The following MRTFA variants were observed in gnomAD, a reference collection of about 807,000 sequenced individuals.
MRTFA encodes the protein myocardin related transcription factor A, also known as myocardin-related transcription factor A.
MRTFA carries 20 observed loss-of-function variants against 83.5 expected under a neutral mutation model. The ratio of observed to expected loss-of-function variants is 0.24; its 90% CI spans 0.17 to 0.35. The LOEUF is 0.35. Ranked by LOEUF, MRTFA falls within the 10% of genes least tolerant of loss-of-function variation. MRTFA has a pLI of 1.00. For synonymous variants in MRTFA, 659 were observed against 541.2 expected (o/e 1.22, Z -3.02); for missense variants, 1,200 against 1,224.7 (o/e 0.98, Z 0.30).
At chr22:40,436,622 G>A (rs2053174914) in intron 4 of MRTFA, among the ~76,000 whole-genome samples, 1 of 152,188 alleles carries the variant, frequency 6.6e-6, no homozygotes, top group African/African-American at 2.4e-5. Flanking sequence ...TGAATGGAAG[G>A]TCTGACTCCT....
At chr22:40,544,233 G>GTGTTT (rs1473232329) in intron 3 of MRTFA, among the ~76,000 whole-genome samples, 4 of 152,088 alleles carry the variant, frequency 2.6e-5, no homozygotes, top group African/African-American at 9.7e-5. Context: ...AATTCTTTTT[G>GTGTTT]TGTTTTGTTT....
At chr22:40,433,497 A>C (rs931291864) in intron 5 of MRTFA, 1 of 153,130 alleles carries the variant, frequency 6.5e-6, no homozygotes, top group African/African-American at 2.4e-5. Flanking sequence ...AAAACAAAGC[A>C]ATCAGTTGTG....
At position 40,410,783 on chromosome 22, in the gene MRTFA, C is replaced by G. The variant is rs1334168421; in HGVS notation, c.*607G>C. 1.7e-5 allele frequency: 4 copies of G among 232,982 alleles called. No homozygotes were observed. The highest frequency in any genetic ancestry group is 1.7e-4 in the Admixed American group (3 of 17,778). The allele number at this position is 232,982 out of a possible 1,614,324, so 14.4% of individuals were successfully genotyped here. ...TTGCACCCATCTCCTGTCCGCCCCC[C>G]CCCAAAAATATATATGTATGTCGAT... On this transcript the variant is annotated 3_prime_UTR_variant, in exon 15 of 15. Transcript: ENST00000355630.
chr22:40,424,352 C>T lies in MRTFA; in HGVS notation c.631G>A (p.Asp211Asn), dbSNP rs769639333. 9.3e-6 allele frequency: 15 copies of T among 1,613,716 alleles called. No homozygotes were observed. Among genetic ancestry groups the T allele is most frequent in the Admixed American group, 5.0e-5 (3 of 59,956 alleles). The stretch of plus-strand genomic sequence containing the variant: ...CTGTCCTCATCGAAGGAAGAGCTGT[C>T]TGCTACTTTGGGATAGTTCACCTGG... The change falls in exon 8 of 15, where the codon GAC (aspartate) becomes AAC (asparagine). Residue 211 changes from aspartate (D) to asparagine (N), a missense_variant. By Grantham distance (23) the Asp-to-Asn change is conservative (BLOSUM62 1). Coordinates refer to ENST00000355630, the MANE Select transcript of MRTFA (RefSeq NM_020831.6).
chr22:40,622,420 G>A (rs1459397556), intron 1 of MRTFA, among the ~76,000 whole-genome samples: 1 of 150,012 alleles, frequency 6.7e-6, no homozygotes, highest in Non-Finnish European at 1.5e-5. Context: ...GGCAGAGGTT[G>A]CAGTGAGCCG....
At chr22:40,490,602 A>C (rs2054257368) in intron 3 of MRTFA, among the ~76,000 whole-genome samples, 1 of 151,712 alleles carries the variant, frequency 6.6e-6, no homozygotes, top group African/African-American at 2.4e-5. Flanking sequence ...CCATCTCAAA[A>C]AAAAAAAAAA....
At chr22:40,548,625 C>T (rs1242125688) in intron 3 of MRTFA, among the ~76,000 whole-genome samples, 1 of 152,002 alleles carries the variant, frequency 6.6e-6, no homozygotes, top group Non-Finnish European at 1.5e-5. Context: ...CTTTGGGAGG[C>T]CAAGGCGGGC....
chr22:40,571,148 T>C (rs1220391263), intron 2 of MRTFA, among the ~76,000 whole-genome samples: 1 of 151,426 alleles, frequency 6.6e-6, no homozygotes, highest in Non-Finnish European at 1.5e-5. Flanking sequence ...AGGTCAAGGT[T>C]GCAGTAAGCC....
At chr22:40,593,348 G>T (rs1316348977) in intron 2 of MRTFA, among the ~76,000 whole-genome samples, 1 of 152,068 alleles carries the variant, frequency 6.6e-6, no homozygotes, top group Admixed American at 6.6e-5. Flanking sequence ...CAATGAACTT[G>T]ATATATTTCA....
At chr22:40,554,930 G>A (rs2055497709) in intron 2 of MRTFA, among the ~76,000 whole-genome samples, 2 of 152,204 alleles carry the variant, frequency 1.3e-5, no homozygotes, top group African/African-American at 4.8e-5. Context: ...TGGAGTCAAG[G>A]ATTGTTTTGG....
chr22:40,609,507 CTTTAAAT>C (rs2056360502), intron 1 of MRTFA, among the ~76,000 whole-genome samples: 3 of 139,520 alleles, frequency 2.2e-5, no homozygotes, highest in Admixed American at 1.4e-4. Context: ...AAAAAAAACA[CTTTAAAT>C]TTTTGATAGT....
chr22:40,541,888 G>C (rs1569320159), intron 3 of MRTFA, among the ~76,000 whole-genome samples: 1 of 152,124 alleles, frequency 6.6e-6, no homozygotes, highest in Non-Finnish European at 1.5e-5. Flanking sequence ...GGATGGTCTT[G>C]AACTCCTGAC....
chr22:40,532,800 G>C (rs1478268212), intron 3 of MRTFA, among the ~76,000 whole-genome samples: 3 of 152,330 alleles, frequency 2.0e-5, no homozygotes, highest in East Asian at 1.9e-4. Flanking sequence ...GGATGGGGAA[G>C]AGGTCCCCAA....
chr22:40,499,913 C>A (rs948596750), intron 3 of MRTFA, among the ~76,000 whole-genome samples: 2 of 127,530 alleles, frequency 1.6e-5, no homozygotes, highest in African/African-American at 6.0e-5. Context: ...TTCAAGTAGA[C>A]CTTTTTTTTT....
At chr22:40,614,035 A>G (rs368271949) in intron 1 of MRTFA, among the ~76,000 whole-genome samples, 2 of 151,210 alleles carry the variant, frequency 1.3e-5, no homozygotes, top group East Asian at 3.9e-4. Context: ...CCCTGTCTCT[A>G]CTAAAAATAC....
rs567305228 is a variant in MRTFA at position 40,486,503 on chromosome 22, T to G, written c.242-23217A>C. ...CTTGCTTCTTTTCTTTATTGTTTTTTTCTTCCTTCCACTCTAGGAGGAAAA... is the reference window on the plus strand; with the variant it reads ...CTTGCTTCTTTTCTTTATTGTTTTTGTCTTCCTTCCACTCTAGGAGGAAAA... On this transcript the variant is annotated intron_variant, in intron 3 of 14. Transcript: ENST00000355630. 8.9e-4 allele frequency among the ~76,000 whole-genome samples: 135 copies of G among 152,320 alleles called. 1 individual carries two copies. In the Middle Eastern group the frequency reaches 0.02, roughly 23 times the overall value.
intron 3 of MRTFA, among the ~76,000 whole-genome samples, chr22:40,505,302 A>G (rs893454603): frequency 7.2e-5 from 11 of 152,242 alleles, no homozygotes; most frequent in Non-Finnish European, 1.5e-4. Flanking sequence ...AGTCTTATCC[A>G]TCCTCTCTCA....
chr22:40,483,499 C>T (rs1026119624), intron 3 of MRTFA, among the ~76,000 whole-genome samples: 1 of 151,036 alleles, frequency 6.6e-6, no homozygotes, highest in Admixed American at 6.6e-5. Flanking sequence ...ACCTGGCTAA[C>T]ATGGTGAAAC....
intron 4 of MRTFA, among the ~76,000 whole-genome samples, chr22:40,453,575 T>C (rs890806561): frequency 6.6e-6 from 1 of 152,096 alleles, no homozygotes; most frequent in Non-Finnish European, 1.5e-5. Context: ...TGAGAGATGA[T>C]AAAGGCCCAG....
Sources: allele counts gnomAD v4.1 joint callset (sites outside exome capture counted in the v4.1 genomes callset), GRCh38; gene constraint gnomAD v4.1.1; transcripts MANE v1.5; gene names NCBI Gene and HGNC (gene_info 2026-07-23, HGNC 2026-07-21).